HEATR5A: variants seen among roughly 807,000 people sequenced by gnomAD.
HEATR5A encodes the protein HEAT repeat containing 5A.
Under a neutral mutation model 218.8 loss-of-function variants are expected in HEATR5A, and 178 were observed. The ratio of observed to expected loss-of-function variants is 0.81; its 90% CI spans 0.72 to 0.92. The LOEUF is 0.92. Among genes scored for constraint, HEATR5A ranks in the 40% least tolerant of loss-of-function variants. HEATR5A has a pLI of 0.00. For missense variants in HEATR5A, 2,420 were observed against 2,418.9 expected (o/e 1.00, Z -0.01); for synonymous variants, 864 against 871.6 (o/e 0.99, Z 0.15).
intron 25 of HEATR5A, chr14:31,320,380 G>T: frequency 1.0e-6 from 1 of 989,306 alleles, no homozygotes; most frequent in Non-Finnish European, 1.6e-6. Flanking sequence ...CCGCTCCAAT[G>T]CCAGCCCCTG....
chr14:31,330,071 G>C (rs1900411008), intron 22 of HEATR5A, among the ~76,000 whole-genome samples: 1 of 152,194 alleles, frequency 6.6e-6, no homozygotes, highest in Non-Finnish European at 1.5e-5. Flanking sequence ...ACTCTGTGTG[G>C]GGGCTCTGAC....
chr14:31,351,640 A>T (rs1420404489), intron 16 of HEATR5A, among the ~76,000 whole-genome samples: 2 of 152,180 alleles, frequency 1.3e-5, no homozygotes, highest in Non-Finnish European at 2.9e-5. Flanking sequence ...TTGGGGATCC[A>T]AAGAGCTATG....
chr14:31,392,167 A>G (rs559559077), intron 6 of HEATR5A, among the ~76,000 whole-genome samples: 1 of 152,262 alleles, frequency 6.6e-6, no homozygotes, highest in East Asian at 1.9e-4. Context: ...TGTTCAATGC[A>G]TAACATCAAA....
At chr14:31,319,372 C>T (rs554654235) in intron 25 of HEATR5A, among the ~76,000 whole-genome samples, 12 of 152,170 alleles carry the variant, frequency 7.9e-5, no homozygotes, top group African/African-American at 1.7e-4. Flanking sequence ...AGGCTGGTCT[C>T]GAACTCCTGA....
At chr14:31,313,301 G>A (rs1899815189) in intron 27 of HEATR5A, 111 bp from the exon 28 acceptor site, 1 of 755,264 alleles carries the variant, frequency 1.3e-6, no homozygotes, top group African/African-American at 1.7e-5. Context: ...TACTGGACTT[G>A]AAATGCACTG....
chr14:31,359,645 G>A (rs984859157), intron 14 of HEATR5A, among the ~76,000 whole-genome samples: 1 of 137,582 alleles, frequency 7.3e-6, no homozygotes, highest in African/African-American at 2.7e-5. Flanking sequence ...AAAATCGCTT[G>A]AATCTGGGAG....
At chr14:31,375,176 T>C (rs1246569493) in intron 11 of HEATR5A, among the ~76,000 whole-genome samples, 2 of 152,230 alleles carry the variant, frequency 1.3e-5, no homozygotes, top group African/African-American at 4.8e-5. Context: ...AAAGAACTAA[T>C]GGTACAGGCT....
chr14:31,376,804 T>C (rs1016647083), intron 11 of HEATR5A, among the ~76,000 whole-genome samples: 5 of 151,986 alleles, frequency 3.3e-5, no homozygotes, highest in Non-Finnish European at 5.9e-5. Context: ...AAAGCAAAAA[T>C]TAACAAAGCA....
At chr14:31,370,993 C>T (rs1395482746) in intron 13 of HEATR5A, among the ~76,000 whole-genome samples, 2 of 152,204 alleles carry the variant, frequency 1.3e-5, no homozygotes, top group East Asian at 3.8e-4. Flanking sequence ...GAGGGGCACA[C>T]AGACACCTTC....
At chr14:31,373,162 T>A (rs1902102724) in intron 12 of HEATR5A, among the ~76,000 whole-genome samples, 1 of 151,722 alleles carries the variant, frequency 6.6e-6, no homozygotes. Context: ...GCTCAAGCAA[T>A]CCACTCATCT....
chr14:31,321,478 T>G, intron 25 of HEATR5A, 21 bp downstream of exon 25: 1 of 1,537,098 alleles, frequency 6.5e-7, no homozygotes, highest in Non-Finnish European at 8.8e-7. Flanking sequence ...ATAATAAAAT[T>G]CTCTAAAAGA....
At chr14:31,346,343 C>T (rs567082792) in intron 19 of HEATR5A, among the ~76,000 whole-genome samples, 8 of 152,004 alleles carry the variant, frequency 5.3e-5, no homozygotes, top group East Asian at 1.9e-4. Context: ...TATATAAAGA[C>T]GGGTGAAAAA....
chr14:31,374,193 C>T (rs994687120), intron 12 of HEATR5A, among the ~76,000 whole-genome samples: 2 of 151,096 alleles, frequency 1.3e-5, no homozygotes, highest in African/African-American at 4.9e-5. Context: ...GTGGTCTCAG[C>T]TACTTGGGAG....
chr14:31,295,557 C>CTTT (rs766889885), intron 34 of HEATR5A: 37 of 108,552 alleles, frequency 3.4e-4, no homozygotes, highest in African/African-American at 1.0e-3. Context: ...GCCTCCCTTT[C>CTTT]TTTTTTTTTT....
At chr14:31,336,720 G>C (rs908155586) in intron 22 of HEATR5A, among the ~76,000 whole-genome samples, 1 of 152,150 alleles carries the variant, frequency 6.6e-6, no homozygotes, top group African/African-American at 2.4e-5. Flanking sequence ...AACAGAGGCA[G>C]GTGTGATAAA....
chr14:31,350,708 T>C lies in HEATR5A; in HGVS notation c.2421A>G (p.Ile807Met). 2 of 1,529,436 alleles carry C rather than the reference T, an allele frequency of 1.3e-6. No homozygotes were observed. Among genetic ancestry groups the C allele is most frequent in the South Asian group, 2.3e-5 (2 of 85,706 alleles). The allele number at this position is 1,529,436 out of a possible 1,614,324, so 94.7% of individuals were successfully genotyped here. ...TTATACTGTCCAAAAGCTGTTCCAA[T>C]ATAAGAAGCCTACAATCAGAAATAA... ...AHVGETQRLLILEQLLDSIKH... is the reference protein window; with the variant it reads ...AHVGETQRLLMLEQLLDSIKH... Residue 807 changes from isoleucine (I) to methionine (M), a missense_variant, in exon 17 of 36, where the codon ATA (isoleucine) becomes ATG (methionine). Ile to Met is a conservative substitution (Grantham distance 10). Transcript: ENST00000543095.
chr14:31,389,092 A>G, intron 6 of HEATR5A, 87 bp from the exon 7 acceptor site: 1 of 1,184,546 alleles, frequency 8.4e-7, no homozygotes, highest in Non-Finnish European at 1.2e-6. Context: ...TGTTAATAGA[A>G]ACAAAAATAA....
chr14:31,326,350 GAAGA>G lies in HEATR5A; in HGVS notation c.3368-12_3368-9del. On this transcript the variant is annotated splice_polypyrimidine_tract_variant and intron_variant, in intron 22 of 35. Coordinates refer to ENST00000543095, the MANE Select transcript of HEATR5A (RefSeq NM_015473.4). ...CTTCTCTGATGTTAGCATCTGACAA[GAAGA>G]AAATCAATTATCTAAGTAATACAGA... is the stretch of plus-strand genomic sequence containing the variant. 2 of 1,599,704 alleles carry G rather than the reference GAAGA, an allele frequency of 1.3e-6. No individual in the cohort carries two copies. Among genetic ancestry groups the G allele is most frequent in the Non-Finnish European group, 1.7e-6 (2 of 1,173,594 alleles).
chr14:31,326,008 A>C, intron 23 of HEATR5A, 155 bp downstream of exon 23: 1 of 637,378 alleles, frequency 1.6e-6, no homozygotes, highest in South Asian at 1.9e-5. Flanking sequence ...ATTCTAAAAC[A>C]CTAGAAATAC....
Sources: allele counts gnomAD v4.1 joint callset (sites outside exome capture counted in the v4.1 genomes callset), GRCh38; gene constraint gnomAD v4.1.1; transcripts MANE v1.5; gene names NCBI Gene and HGNC (gene_info 2026-07-23, HGNC 2026-07-21).